The following TGFB1I1 variants were observed in gnomAD, a reference collection of about 807,000 sequenced individuals.
TGFB1I1 encodes the protein transforming growth factor beta-1-induced transcript 1 protein.
TGFB1I1 carries 33 observed loss-of-function variants against 52.0 expected under a neutral mutation model. That is an observed-to-expected ratio of 0.63 (90% CI 0.48 to 0.85). The LOEUF is 0.85. TGFB1I1 is among the 40% of genes least tolerant of loss of function. TGFB1I1 has a pLI of 0.00. For synonymous variants in TGFB1I1, 236 were observed against 253.3 expected (o/e 0.93, Z 0.65); for missense variants, 577 against 614.9 (o/e 0.94, Z 0.65).
rs1169311262 is a variant in TGFB1I1, at chr16:31,473,928, G to A, written c.276G>A (p.Glu92=). The change falls in exon 4 of 11, where the codon GAG becomes GAA. Residue 92 remains glutamate (E), a synonymous_variant. Transcript: ENST00000394863. ...GTGTCTTGGGTACCGGGCTCTGTGAGCTAGATCGGTTGCTTCAGGAACTTA... is the reference window on the plus strand; with the variant it reads ...GTGTCTTGGGTACCGGGCTCTGTGAACTAGATCGGTTGCTTCAGGAACTTA... ...SSGVLGTGLC[E]LDRLLQELNA... is the part of the protein sequence containing the mutation. 2 of 1,614,104 alleles carry A rather than the reference G, an allele frequency of 1.2e-6. No individual in the cohort carries two copies. Among genetic ancestry groups the A allele is most frequent in the Non-Finnish European group, 1.7e-6 (2 of 1,180,030 alleles).
Position 31,477,251 on chromosome 16 carries a change from G to A in TGFB1I1, c.1120-59G>A, listed in dbSNP as rs963357710. The A allele has an allele frequency of 3.2e-6, 5 of 1,551,414 alleles. No homozygotes were observed. In the African/African-American group the frequency reaches 6.8e-5, roughly 21 times the overall value. Reference sequence around the variant, plus strand: ...CCAGGGCGTTATCCGCTAGTAACGCGCGTTGTCTGGCAGTGGCCGCTGACC... The same window carrying A: ...CCAGGGCGTTATCCGCTAGTAACGCACGTTGTCTGGCAGTGGCCGCTGACC... On this transcript the variant is annotated intron_variant, in intron 10 of 10. Coordinates refer to ENST00000394863, the MANE Select transcript of TGFB1I1 (RefSeq NM_001042454.3). This position sits in a 1 kb window ranked among gnomAD's most constrained non-coding sequence, Gnocchi z 4.7.
Position 31,477,410 on chromosome 16 carries a change from C to A in TGFB1I1, c.1220C>A (p.Thr407Lys). The change falls in exon 11 of 11, where the codon ACG (threonine) becomes AAG (lysine). Residue 407 changes from threonine (T) to lysine (K), a missense_variant. By Grantham distance (78) the Thr-to-Lys change is moderately conservative. Transcript: ENST00000394863. This position sits in a 1 kb window ranked among gnomAD's most constrained non-coding sequence, Gnocchi z 4.7. ...GCACGACGCGGCTCGCTGTGCGCCA[C>A]GTGTGGCCTCCCTGTGACCGGCCGC... Reference protein sequence around the residue: ...FHARRGSLCATCGLPVTGRCV... With the variant: ...FHARRGSLCAKCGLPVTGRCV... The A allele has an allele frequency of 6.2e-7, 1 of 1,607,448 alleles. No homozygotes were observed. Among genetic ancestry groups the A allele is most frequent in the Non-Finnish European group, 8.5e-7 (1 of 1,177,534 alleles).
chr16:31,477,019 T>C lies in TGFB1I1; in HGVS notation c.1119+9T>C, dbSNP rs773439362. 3 of 1,483,254 alleles carry C rather than the reference T, an allele frequency of 2.0e-6. No individual in the cohort carries two copies. In the South Asian group the frequency reaches 3.5e-5, roughly 17 times the overall value. 91.9% of individuals were successfully genotyped at this position (1,483,254 alleles called of 1,614,324 possible). A position where few individuals can be genotyped will look rare whatever the true frequency, so the allele number is the denominator to read the frequency against. On this transcript the variant is annotated intron_variant, in intron 10 of 10. Coordinates refer to ENST00000394863, the MANE Select transcript of TGFB1I1 (RefSeq NM_001042454.3). The surrounding 1 kb of genome is among the most constrained non-coding windows in gnomAD (Gnocchi z 4.7). ...ACTGTTTCGTCTGCAGGGTGCGAGC[T>C]GCGGGGCGGGGCGTTGGAGGGGCGG...
intron 7 of TGFB1I1, 53 bp from the exon 8 acceptor site, chr16:31,475,959 C>G: frequency 6.4e-7 from 1 of 1,561,122 alleles, no homozygotes; most frequent in Non-Finnish European, 8.7e-7. Context: ...TCTTGCCTCA[C>G]TGGGCATGTG....
rs2082425289 is a variant in TGFB1I1 at position 31,476,560 on chromosome 16, A to T, written c.968A>T (p.Glu323Val). Reference sequence around the variant, plus strand: ...AGTTGCGGGGAGCCCTTCGGAGATGAGGGTGAGAGTGAACTCGACTCCCAT... The same window carrying T: ...AGTTGCGGGGAGCCCTTCGGAGATGTGGGTGAGAGTGAACTCGACTCCCAT... ...CVSCGEPFGD[E>V]GFHEREGRPY... The change falls in exon 9 of 11, where the codon GAG (glutamate) becomes GTG (valine). Residue 323 changes from glutamate to valine, a missense_variant and splice_region_variant. By Grantham distance (121) the Glu-to-Val change is moderately radical. Transcript: ENST00000394863. This position sits in a 1 kb window ranked among gnomAD's most constrained non-coding sequence, Gnocchi z 7.6. 1 of 1,612,368 alleles carries T rather than the reference A, an allele frequency of 6.2e-7. No individual in the cohort carries two copies. Among genetic ancestry groups the T allele is most frequent in the Non-Finnish European group, 8.5e-7 (1 of 1,179,640 alleles).
At position 31,474,604 on chromosome 16, in the gene TGFB1I1, C is replaced by T; in HGVS notation, c.561C>T (p.Ser187=). 6.2e-7 allele frequency: 1 copy of T among 1,610,024 alleles called. No individual in the cohort carries two copies. The highest frequency in any genetic ancestry group is 8.5e-7 in the Non-Finnish European group (1 of 1,177,298). ...CAACTCAGCCACCGGTGGTGAGCTC[C>T]ACAAATGAGGGCTCCCCATCCCCAC... ...SGPTQPPVVS[S]TNEGSPSPPE... is the part of the protein sequence containing the mutation. The change falls in exon 7 of 11, where the codon TCC becomes TCT. Residue 187 remains serine, a synonymous_variant. Transcript: ENST00000394863. This position sits in a 1 kb window ranked among gnomAD's most constrained non-coding sequence, Gnocchi z 4.2.
In TGFB1I1 at chr16:31,476,790, G is replaced by C. The variant is rs2082426798; in HGVS notation, c.971-72G>C. The C allele has an allele frequency of 3.1e-6, 5 of 1,594,920 alleles. No homozygotes were observed. The East Asian group carries it at 1.2e-4, about 37-fold the overall frequency. On this transcript the variant is annotated intron_variant, in intron 9 of 10. Transcript: ENST00000394863. This position sits in a 1 kb window ranked among gnomAD's most constrained non-coding sequence, Gnocchi z 7.6. ...TCGGACTGCCCCTCCTTCGGCCCCA[G>C]ATCTCAGGTCTTGTGGGTCCCCCGT...
In TGFB1I1 at chr16:31,477,542, A is replaced by G; in HGVS notation, c.1352A>G (p.Tyr451Cys). The change falls in exon 11 of 11, where the codon TAC becomes TGC. Residue 451 changes from tyrosine (Y) to cysteine (C), a missense_variant. Tyr to Cys is a radical substitution (Grantham distance 194). This residue lies in a region of TGFB1I1 where 456 missense variants were observed against 461.6 expected (regional missense o/e 0.99). Transcript: ENST00000394863. The surrounding 1 kb of genome is among the most constrained non-coding windows in gnomAD (Gnocchi z 4.7). ...TTCCAGGAGCGCGCCGGCAAGCCCTACTGCCAGCCCTGCTTCCTGAAGCTC... is the reference window on the plus strand; with the variant it reads ...TTCCAGGAGCGCGCCGGCAAGCCCTGCTGCCAGCCCTGCTTCCTGAAGCTC... ...GSFQERAGKP[Y>C]CQPCFLKLFG 1.2e-6 allele frequency: 2 copies of G among 1,609,130 alleles called. No homozygotes were observed. The highest frequency in any genetic ancestry group is 1.7e-6 in the Non-Finnish European group (2 of 1,178,536).
Position 31,474,645 on chromosome 16 carries a change from A to G in TGFB1I1, c.602A>G (p.Lys201Arg). ...GSPSPPEPTG[K>R]GSLDTMLGLL... ...CCATCCCCACCAGAGCCGACTGGCA[A>G]GGGCAGCCTAGACACCATGCTGGGG... Residue 201 changes from lysine (K) to arginine (R), a missense_variant, in exon 7 of 11, where the codon AAG becomes AGG. Lys to Arg is a conservative substitution (Grantham distance 26). Around this residue, in one of 3 missense-constraint regions of TGFB1I1, gnomAD observed 456 missense variants for 461.6 expected, o/e 0.99. Transcript: ENST00000394863. This position sits in a 1 kb window ranked among gnomAD's most constrained non-coding sequence, Gnocchi z 4.2. 2 of 1,613,186 alleles carry G rather than the reference A, an allele frequency of 1.2e-6. No individual in the cohort carries two copies. Among genetic ancestry groups the G allele is most frequent in the Non-Finnish European group, 1.7e-6 (2 of 1,179,610 alleles).
Position 31,472,196 on chromosome 16 carries a change from A to G in TGFB1I1, c.8A>G (p.Asp3Gly), listed in dbSNP as rs775146665. The G allele has an allele frequency of 1.5e-6, 2 of 1,340,056 alleles. No individual in the cohort carries two copies. Among genetic ancestry groups the G allele is most frequent in the Non-Finnish European group, 9.7e-7 (1 of 1,028,930 alleles). The allele number at this position is 1,340,056 out of a possible 1,614,324, so 83.0% of individuals were successfully genotyped here. A position where few individuals can be genotyped will look rare whatever the true frequency, so the allele number is the denominator to read the frequency against. ...ACCGGCCCGCGCCCCGCCATGGAGG[A>G]CCTGGGTGAGTGGGGCCGGATCCCC... ME[D>G]LDALLSDLET... Residue 3 changes from aspartate (D) to glycine (G), a missense_variant, in exon 1 of 11, where the codon GAC (aspartate) becomes GGC (glycine). Coordinates refer to ENST00000394863, the MANE Select transcript of TGFB1I1 (RefSeq NM_001042454.3).
rs2082409393 is a variant in TGFB1I1 at position 31,474,345 on chromosome 16, C to T, written c.414-5C>T. 3.1e-6 allele frequency: 5 copies of T among 1,614,154 alleles called. No homozygotes were observed. Among genetic ancestry groups the T allele is most frequent in the Non-Finnish European group, 4.2e-6 (5 of 1,180,012 alleles). On this transcript the variant is annotated splice_region_variant and splice_polypyrimidine_tract_variant and intron_variant, in intron 5 of 10. Coordinates refer to ENST00000394863, the MANE Select transcript of TGFB1I1 (RefSeq NM_001042454.3). This position sits in a 1 kb window ranked among gnomAD's most constrained non-coding sequence, Gnocchi z 4.2. Reference sequence around the variant, plus strand: ...TCTGAGATGACACAAGCATGTTCTTCACAGCCCTTCCAGCCCGTCTCCTGG... The same window carrying T: ...TCTGAGATGACACAAGCATGTTCTTTACAGCCCTTCCAGCCCGTCTCCTGG...
In TGFB1I1 at chr16:31,474,844, G is replaced by C. The variant is rs2082414728; in HGVS notation, c.714+87G>C. The C allele has an allele frequency of 2.3e-6, 3 of 1,300,114 alleles. No homozygotes were observed. The highest frequency in any genetic ancestry group is 3.2e-6 in the Non-Finnish European group (3 of 939,158). The allele number at this position is 1,300,114 out of a possible 1,614,324, so 80.5% of individuals were successfully genotyped here. On this transcript the variant is annotated intron_variant, in intron 7 of 10. Coordinates refer to ENST00000394863, the MANE Select transcript of TGFB1I1 (RefSeq NM_001042454.3). This position sits in a 1 kb window ranked among gnomAD's most constrained non-coding sequence, Gnocchi z 4.2. ...CTGGGCTTTATGCTGTTCCCTTTTA[G>C]TAAGTTAATCTGGGAAGTGGGTATC...
At position 31,474,531 on chromosome 16, in the gene TGFB1I1, C is replaced by T; in HGVS notation, c.520-32C>T. 1.9e-6 allele frequency: 3 copies of T among 1,611,558 alleles called. No homozygotes were observed. The highest frequency in any genetic ancestry group is 1.1e-5 in the South Asian group (1 of 90,954). ...AGACAATTCCACATCTGCTGCTTTG[C>T]TGACTCAATTCTCATGTCCTCCCCG... On this transcript the variant is annotated intron_variant, in intron 6 of 10. Transcript: ENST00000394863. The surrounding 1 kb of genome is among the most constrained non-coding windows in gnomAD (Gnocchi z 4.2).
In TGFB1I1 at chr16:31,476,787, C is replaced by T; in HGVS notation, c.971-75C>T. 2 of 1,592,632 alleles carry T rather than the reference C, an allele frequency of 1.3e-6. No individual in the cohort carries two copies. The highest frequency in any genetic ancestry group is 2.3e-5 in the East Asian group (1 of 43,174). On this transcript the variant is annotated intron_variant, in intron 9 of 10. Transcript: ENST00000394863. This position sits in a 1 kb window ranked among gnomAD's most constrained non-coding sequence, Gnocchi z 7.6. ...CCCTCGGACTGCCCCTCCTTCGGCC[C>T]CAGATCTCAGGTCTTGTGGGTCCCC...
Position 31,474,640 on chromosome 16 carries a change from T to C in TGFB1I1, c.597T>C (p.Thr199=). The change falls in exon 7 of 11, where the codon ACT becomes ACC. Residue 199 remains threonine (T), a synonymous_variant. Transcript: ENST00000394863. The surrounding 1 kb of genome is among the most constrained non-coding windows in gnomAD (Gnocchi z 4.2). ...GCTCCCCATCCCCACCAGAGCCGAC[T>C]GGCAAGGGCAGCCTAGACACCATGC... ...NEGSPSPPEP[T]GKGSLDTMLG... 6.2e-7 allele frequency: 1 copy of C among 1,612,794 alleles called. No homozygotes were observed. The highest frequency in any genetic ancestry group is 8.5e-7 in the Non-Finnish European group (1 of 1,179,292).
chr16:31,474,991 G>A lies in TGFB1I1; in HGVS notation c.714+234G>A. The A allele has an allele frequency of 1.8e-6, 1 of 545,108 alleles. No individual in the cohort carries two copies. The highest frequency in any genetic ancestry group is 2.1e-5 in the South Asian group (1 of 46,894). 33.8% of individuals were successfully genotyped at this position (545,108 alleles called of 1,614,324 possible). ...GTGGTCCTACTGTGTGCCAGGCACTGTGCCAGCTCCTTTACAAACCCTCAT... is the reference window on the plus strand; with the variant it reads ...GTGGTCCTACTGTGTGCCAGGCACTATGCCAGCTCCTTTACAAACCCTCAT... On this transcript the variant is annotated intron_variant, in intron 7 of 10. Transcript: ENST00000394863. This position sits in a 1 kb window ranked among gnomAD's most constrained non-coding sequence, Gnocchi z 4.2.
Position 31,474,092 on chromosome 16 carries a change from C to T in TGFB1I1, c.326-60C>T. ...TAGCAGTTAAAGGGACCTAAAGCCT[C>T]AAGTGTGAGGGTGCGTTGAGCATGG... On this transcript the variant is annotated intron_variant, in intron 4 of 10. Coordinates refer to ENST00000394863, the MANE Select transcript of TGFB1I1 (RefSeq NM_001042454.3). This position sits in a 1 kb window ranked among gnomAD's most constrained non-coding sequence, Gnocchi z 4.2. The T allele has an allele frequency of 1.2e-6, 2 of 1,611,136 alleles. No individual in the cohort carries two copies. The highest frequency in any genetic ancestry group is 1.7e-6 in the Non-Finnish European group (2 of 1,177,732).
At chr16:31,473,331 C>G in intron 1 of TGFB1I1, 110 bp from the exon 2 acceptor site, 1 of 1,466,898 alleles carries the variant, frequency 6.8e-7, no homozygotes, top group Non-Finnish European at 9.1e-7. Flanking sequence ...GCCCTGTGAC[C>G]TCTTCTCTTA....
intron 1 of TGFB1I1, chr16:31,472,503 G>A: frequency 2.8e-6 from 1 of 353,124 alleles, no homozygotes; most frequent in Non-Finnish European, 5.0e-6. Context: ...AGGGGTTAAA[G>A]GGGCCTCGGC....
Sources: allele counts gnomAD v4.1 joint callset, GRCh38; gene constraint gnomAD v4.1.1; regional missense constraint gnomAD v4.1.1; non-coding constraint Gnocchi (gnomAD v3.1); transcripts MANE v1.5; gene names NCBI Gene and HGNC (gene_info 2026-07-23, HGNC 2026-07-21).